Variants in ERC2 observed in about 807,000 individuals in gnomAD.
ERC2 encodes the protein ELKS/RAB6-interacting/CAST family member 2, also known as ERC protein 2.
Under a neutral mutation model 114.8 loss-of-function variants are expected in ERC2, and 42 were observed. The observed-to-expected ratio is 0.37, with a 90% CI of 0.29 to 0.47. The LOEUF (loss-of-function observed/expected upper bound fraction) is 0.47, where lower values mean the gene tolerates loss of function less well. ERC2 is among the 20% of genes least tolerant of loss of function. The pLI, the probability that ERC2 is intolerant of heterozygous loss-of-function variation, is 0.99. For missense variants in ERC2, 939 were observed against 1,150.7 expected (o/e 0.82, Z 2.66); for synonymous variants, 454 against 425.5 (o/e 1.07, Z -0.82).
intron 17 of ERC2, among the ~76,000 whole-genome samples, chr3:55,614,908 C>T (rs1328539050): frequency 3.9e-5 from 6 of 152,214 alleles, no homozygotes; most frequent in Non-Finnish European, 2.9e-5. Context: ...CTAAAACAAA[C>T]AAACAAACAG....
intron 3 of ERC2, among the ~76,000 whole-genome samples, chr3:56,278,167 T>G (rs78038949): frequency 0.011 from 1,615 of 152,334 alleles, 26 homozygotes; most frequent in African/African-American, 0.037. Flanking sequence ...AACAACTATC[T>G]ACTTAGTAAA....
intron 6 of ERC2, among the ~76,000 whole-genome samples, chr3:56,136,436 C>G (rs1398735274): frequency 1.3e-5 from 2 of 151,144 alleles, no homozygotes; most frequent in Non-Finnish European, 3.0e-5. Flanking sequence ...TTTTTTTTAA[C>G]CTTTTATTTT....
chr3:55,634,385 G>T (rs563513551), intron 17 of ERC2, among the ~76,000 whole-genome samples: 1 of 151,982 alleles, frequency 6.6e-6, no homozygotes, highest in African/African-American at 2.4e-5. Context: ...CTATTTCTAC[G>T]ATCTTGGCCA....
At chr3:56,191,290 TATAGAGTCCTCA>T (rs1167431123) in intron 3 of ERC2, among the ~76,000 whole-genome samples, 18 of 151,912 alleles carry the variant, frequency 1.2e-4, no homozygotes, top group African/African-American at 4.4e-4. Context: ...GAGCAAGAGG[TATAGAGTCCTCA>T]GCCACGTACT....
At chr3:55,915,166 A>C (rs1049740302) in intron 13 of ERC2, among the ~76,000 whole-genome samples, 1 of 152,112 alleles carries the variant, frequency 6.6e-6, no homozygotes, top group African/African-American at 2.4e-5. Flanking sequence ...CTACTTTACC[A>C]AGTATATAAA....
intron 1 of ERC2, among the ~76,000 whole-genome samples, chr3:56,442,509 C>A (rs2062364756): frequency 6.6e-6 from 1 of 152,172 alleles, no homozygotes; most frequent in Non-Finnish European, 1.5e-5. Context: ...GCGTGAACCA[C>A]CGTGCCCAGC....
At chr3:56,412,573 C>T (rs1215290817) in intron 2 of ERC2, among the ~76,000 whole-genome samples, 2 of 152,198 alleles carry the variant, frequency 1.3e-5, no homozygotes, top group African/African-American at 4.8e-5. Context: ...CTAGCCCCTT[C>T]TTCAGTATCT....
At chr3:56,426,841 C>T (rs184320229) in intron 2 of ERC2, among the ~76,000 whole-genome samples, 9 of 152,204 alleles carry the variant, frequency 5.9e-5, no homozygotes, top group Admixed American at 2.0e-4. Flanking sequence ...ATTATTGCAG[C>T]AGTAGCTGCC....
chr3:55,625,110 G>A (rs956396046), intron 17 of ERC2, among the ~76,000 whole-genome samples: 1 of 152,182 alleles, frequency 6.6e-6, no homozygotes, highest in Non-Finnish European at 1.5e-5. Flanking sequence ...GCTCACGCCT[G>A]TAATCCCAAC....
chr3:56,212,792 TATACACAC>T (rs2049156757), intron 3 of ERC2, among the ~76,000 whole-genome samples: 1 of 110,338 alleles, frequency 9.1e-6, no homozygotes, highest in South Asian at 2.6e-4. Context: ...TACATATACA[TATACACAC>T]ACACACACAC....
At chr3:56,396,656 CAT>C (rs2060317756) in intron 2 of ERC2, among the ~76,000 whole-genome samples, 1 of 152,144 alleles carries the variant, frequency 6.6e-6, no homozygotes, top group Non-Finnish European at 1.5e-5. Context: ...CTAAATTACA[CAT>C]ATCTTTCAAG....
chr3:56,171,712 G>T (rs891903291), intron 4 of ERC2, among the ~76,000 whole-genome samples: 3 of 151,634 alleles, frequency 2.0e-5, no homozygotes, highest in African/African-American at 7.3e-5. Context: ...GGATCAAACA[G>T]ATTTTTCTAC....
chr3:55,628,627 A>G (rs894033572), intron 17 of ERC2, among the ~76,000 whole-genome samples: 4 of 152,218 alleles, frequency 2.6e-5, no homozygotes, highest in African/African-American at 2.4e-5. Flanking sequence ...ATCGAGGCCC[A>G]AATCCCTTCT....
intron 14 of ERC2, among the ~76,000 whole-genome samples, chr3:55,819,472 C>T (rs1047463805): frequency 6.6e-6 from 1 of 152,206 alleles, no homozygotes; most frequent in Non-Finnish European, 1.5e-5. Context: ...GGTTTTAAAA[C>T]TATGGTTCAT....
intron 14 of ERC2, among the ~76,000 whole-genome samples, chr3:55,743,119 C>A (rs1010439528): frequency 6.6e-6 from 1 of 152,216 alleles, no homozygotes; most frequent in Non-Finnish European, 1.5e-5. Flanking sequence ...ACGGAGAATT[C>A]TGTCTTTGAA....
At chr3:56,410,474 T>C (rs1192556558) in intron 2 of ERC2, among the ~76,000 whole-genome samples, 1 of 152,258 alleles carries the variant, frequency 6.6e-6, no homozygotes, top group Admixed American at 6.5e-5. Flanking sequence ...CTAAGCACTC[T>C]GCTTATAGTA....
chr3:55,846,291 T>A (rs2061359243), intron 14 of ERC2, among the ~76,000 whole-genome samples: 1 of 152,234 alleles, frequency 6.6e-6, no homozygotes, highest in African/African-American at 2.4e-5. Flanking sequence ...AATAATGGCC[T>A]CTAGCTCTAT....
chr3:55,932,484 C>T (rs2066157484), intron 13 of ERC2, among the ~76,000 whole-genome samples: 1 of 152,142 alleles, frequency 6.6e-6, no homozygotes, highest in South Asian at 2.1e-4. Context: ...ACAGGCTGTG[C>T]TCGTTCTCAC....
intron 6 of ERC2, among the ~76,000 whole-genome samples, chr3:56,129,003 T>C (rs903930611): frequency 2.6e-5 from 4 of 152,142 alleles, no homozygotes; most frequent in African/African-American, 7.2e-5. Flanking sequence ...AAAAATGCAA[T>C]AAAATAAATT....
Sources: allele counts gnomAD v4.1 joint callset (sites outside exome capture counted in the v4.1 genomes callset), GRCh38; gene constraint gnomAD v4.1.1; transcripts MANE v1.5; gene names NCBI Gene and HGNC (gene_info 2026-07-23, HGNC 2026-07-21).